The following GRB2 variants were observed in gnomAD, a reference collection of about 807,000 sequenced individuals.
GRB2 encodes the protein growth factor receptor-bound protein 2.
Under a neutral mutation model 27.4 loss-of-function variants are expected in GRB2, and 2 were observed. The ratio of observed to expected loss-of-function variants is 0.07; its 90% CI spans 0.03 to 0.23. The LOEUF is 0.23. GRB2 is among the 10% of genes least tolerant of loss of function. GRB2 has a pLI of 1.00. For missense variants in GRB2, 102 were observed against 282.4 expected, an observed-to-expected ratio of 0.36 and a Z score of 4.58; for synonymous variants, 94 against 99.6, an observed-to-expected ratio of 0.94 and a Z score of 0.33.
intron 2 of GRB2, among the ~76,000 whole-genome samples, chr17:75,382,854 G>A (rs564308635): frequency 1.3e-5 from 2 of 152,164 alleles, no homozygotes; most frequent in South Asian, 4.2e-4. Context: ...GACTACAGGC[G>A]CCTGCCACCA....
intron 1 of GRB2, among the ~76,000 whole-genome samples, chr17:75,397,627 T>C (rs1182940353): frequency 2.0e-5 from 3 of 152,158 alleles, no homozygotes; most frequent in African/African-American, 7.2e-5. Flanking sequence ...TGAATCTTCA[T>C]GGTCTCTAGA....
intron 3 of GRB2, among the ~76,000 whole-genome samples, chr17:75,332,470 G>T (rs1007422814): frequency 6.6e-6 from 1 of 152,028 alleles, no homozygotes; most frequent in African/African-American, 2.4e-5. Context: ...ACCAACTATC[G>T]TTTTATTTTT....
At chr17:75,341,812 C>T (rs1390957221) in intron 2 of GRB2, among the ~76,000 whole-genome samples, 2 of 151,982 alleles carry the variant, frequency 1.3e-5, no homozygotes, top group Admixed American at 1.3e-4. Flanking sequence ...AGATGGGGAC[C>T]CACCAAATGT....
rs184858127 is a variant in GRB2 at position 75,353,243 on chromosome 17, C to A, written c.79-20446G>T. 4.0e-5 allele frequency among the ~76,000 whole-genome samples: 6 copies of A among 151,714 alleles called. No homozygotes were observed. In the East Asian group the frequency reaches 9.7e-4, roughly 25 times the overall value. ...TATTCATGGGGGACTGGTTCCAGGA[C>A]CCCTGCATATACCCAAATCTGTGCA... On this transcript the variant is annotated intron_variant, in intron 2 of 5. Transcript: ENST00000316804.
intron 2 of GRB2, among the ~76,000 whole-genome samples, chr17:75,359,746 T>C (rs2078766949): frequency 6.6e-6 from 1 of 152,162 alleles, no homozygotes; most frequent in Non-Finnish European, 1.5e-5. Context: ...TTGTTCTCTC[T>C]GCCTAAAATG....
intron 2 of GRB2, among the ~76,000 whole-genome samples, chr17:75,390,785 T>TA (rs1252752573): frequency 1.3e-5 from 2 of 152,162 alleles, no homozygotes; most frequent in Non-Finnish European, 2.9e-5. Flanking sequence ...TTCTGAACTA[T>TA]AGACAGAGGA....
chr17:75,351,141 G>T (rs2078689840), intron 2 of GRB2, among the ~76,000 whole-genome samples: 2 of 152,140 alleles, frequency 1.3e-5, no homozygotes, highest in Admixed American at 1.3e-4. Context: ...GACAGGAATT[G>T]AGATTAGGGT....
intron 2 of GRB2, among the ~76,000 whole-genome samples, chr17:75,365,279 C>T (rs7208645): frequency 4.5e-3 from 681 of 152,234 alleles, no homozygotes; most frequent in African/African-American, 0.015. Flanking sequence ...AGATCTCCTA[C>T]GGTTAACTTT....
At chr17:75,391,784 G>C (rs896876579) in intron 2 of GRB2, among the ~76,000 whole-genome samples, 2 of 144,718 alleles carry the variant, frequency 1.4e-5, no homozygotes, top group Admixed American at 7.1e-5. Flanking sequence ...CTCCAGCCTG[G>C]GTGACAGAGC....
At chr17:75,401,767 T>C (rs988197922) in intron 1 of GRB2, among the ~76,000 whole-genome samples, 3 of 152,230 alleles carry the variant, frequency 2.0e-5, no homozygotes, top group Non-Finnish European at 4.4e-5. Context: ...ATTTTGATAA[T>C]TAAAAGAGAT....
intron 2 of GRB2, among the ~76,000 whole-genome samples, chr17:75,381,351 T>C (rs558775705): frequency 6.6e-6 from 1 of 152,298 alleles, no homozygotes; most frequent in Non-Finnish European, 1.5e-5. Context: ...AATGTTACAG[T>C]GAAGTGGAAA....
At chr17:75,341,403 G>A (rs1317810406) in intron 2 of GRB2, among the ~76,000 whole-genome samples, 1 of 141,434 alleles carries the variant, frequency 7.1e-6, no homozygotes, top group East Asian at 2.1e-4. Context: ...AGTGAGCCGA[G>A]ATCACGCCAT....
At chr17:75,336,634 TA>T (rs1168864016) in intron 2 of GRB2, among the ~76,000 whole-genome samples, 2 of 152,202 alleles carry the variant, frequency 1.3e-5, no homozygotes, top group Non-Finnish European at 1.5e-5. Flanking sequence ...GACATCAACT[TA>T]GAACTATGGC....
At chr17:75,326,389 G>A in intron 3 of GRB2, 1 of 221,284 alleles carries the variant, frequency 4.5e-6, no homozygotes. Context: ...GGGATGAACT[G>A]CCAAGGAGAG....
At chr17:75,403,164 A>C (rs1316369312) in intron 1 of GRB2, among the ~76,000 whole-genome samples, 2 of 146,674 alleles carry the variant, frequency 1.4e-5, no homozygotes, top group African/African-American at 4.9e-5. Context: ...AAATATATAT[A>C]TATATAAATA....
At chr17:75,363,717 G>A (rs769828348) in intron 2 of GRB2, among the ~76,000 whole-genome samples, 12 of 151,844 alleles carry the variant, frequency 7.9e-5, no homozygotes, top group East Asian at 5.8e-4. Context: ...AAAATTAGCC[G>A]GGCATGGTAG....
At chr17:75,344,302 T>C (rs1251435181) in intron 2 of GRB2, 4 of 152,170 alleles carry the variant, frequency 2.6e-5, no homozygotes, top group Non-Finnish European at 1.5e-5. Context: ...AAAACACTGG[T>C]TAAGCTTCTT....
At chr17:75,382,245 T>C (rs1454277597) in intron 2 of GRB2, among the ~76,000 whole-genome samples, 1 of 150,662 alleles carries the variant, frequency 6.6e-6, no homozygotes, top group African/African-American at 2.4e-5. Flanking sequence ...TCCTGGGTAA[T>C]GTATCGAGAC....
chr17:75,325,105 G>A lies in GRB2; in HGVS notation c.299+793C>T, dbSNP rs547315878. Among the ~76,000 whole-genome samples, 6 of 151,900 alleles carry A rather than the reference G, an allele frequency of 3.9e-5. No individual in the cohort carries two copies. The East Asian group carries it at 1.2e-3, about 29-fold the overall frequency. ...TAAGTAAATAAAATAAAAGGAAAATGGTTTTCTATCCCCCATTCAAAAACA... is the reference window on the plus strand; with the variant it reads ...TAAGTAAATAAAATAAAAGGAAAATAGTTTTCTATCCCCCATTCAAAAACA... On this transcript the variant is annotated intron_variant, in intron 4 of 5. Transcript: ENST00000316804.
Sources: gnomAD v4.1 joint callset for allele counts (sites outside exome capture counted in the v4.1 genomes callset) on GRCh38, gnomAD v4.1.1 for gene constraint, MANE v1.5 for transcripts, NCBI Gene and HGNC (gene_info 2026-07-23, HGNC 2026-07-21) for gene names.